The following GLRB variants were observed in gnomAD, a reference collection of about 807,000 sequenced individuals.
The protein encoded by GLRB is glycine receptor beta.
Under a neutral mutation model 54.2 loss-of-function variants are expected in GLRB, and 33 were observed. The observed-to-expected ratio is 0.61, with a 90% CI of 0.46 to 0.81. GLRB has a LOEUF of 0.81. Among genes scored for constraint, GLRB ranks in the 40% least tolerant of loss-of-function variants. The pLI is 0.00. For synonymous variants in GLRB, 209 were observed against 208.2 expected, an observed-to-expected ratio of 1.00 and a Z score of -0.03; for missense variants, 572 against 584.6, an observed-to-expected ratio of 0.98 and a Z score of 0.22.
chr4:157,155,564 T>A (rs975328199), intron 9 of GLRB, among the ~76,000 whole-genome samples: 1 of 152,242 alleles, frequency 6.6e-6, no homozygotes, highest in Non-Finnish European at 1.5e-5. Context: ...ATTGTAAGGT[T>A]ACAATTCTAT....
intron 2 of GLRB, among the ~76,000 whole-genome samples, chr4:157,089,651 T>C (rs895338097): frequency 1.3e-5 from 2 of 152,174 alleles, no homozygotes; most frequent in Non-Finnish European, 2.9e-5. Context: ...TCCTGACATA[T>C]TGAGTTTTCC....
At chr4:157,138,723 C>T (rs1579231406) in intron 6 of GLRB, 86 bp from the exon 7 acceptor site, 1 of 736,378 alleles carries the variant, frequency 1.4e-6, no homozygotes, top group East Asian at 2.8e-5. Flanking sequence ...CTTTCCTTTG[C>T]TATGTTTAAG....
intron 9 of GLRB, among the ~76,000 whole-genome samples, chr4:157,162,585 G>A (rs1298483393): frequency 6.6e-6 from 1 of 152,208 alleles, no homozygotes; most frequent in Non-Finnish European, 1.5e-5. Flanking sequence ...GTCTGTTGGA[G>A]TTTGCCGGAG....
chr4:157,153,866 G>T (rs910691233), intron 9 of GLRB, among the ~76,000 whole-genome samples: 1 of 151,986 alleles, frequency 6.6e-6, no homozygotes, highest in Non-Finnish European at 1.5e-5. Context: ...TTTTCCTCTG[G>T]TCCCACAATT....
At chr4:157,076,555 CG>C (rs1734038911) in intron 1 of GLRB, 1 of 152,120 alleles carries the variant, frequency 6.6e-6, no homozygotes, top group South Asian at 2.1e-4. Flanking sequence ...TGCAGAGGGC[CG>C]GGGTAATTAG....
chr4:157,133,849 C>T (rs966828947), intron 4 of GLRB, among the ~76,000 whole-genome samples: 1 of 151,730 alleles, frequency 6.6e-6, no homozygotes, highest in Admixed American at 6.6e-5. Context: ...CATAAGATTT[C>T]AAGAAGGATT....
At chr4:157,126,977 A>G (rs903212162) in intron 4 of GLRB, among the ~76,000 whole-genome samples, 2 of 151,772 alleles carry the variant, frequency 1.3e-5, no homozygotes, top group African/African-American at 4.8e-5. Context: ...CAGACTTTCT[A>G]TGCCTTTTTG....
chr4:157,129,754 C>CT (rs140316248), intron 4 of GLRB, among the ~76,000 whole-genome samples: 43 of 150,164 alleles, frequency 2.9e-4, no homozygotes, highest in East Asian at 9.8e-4. Flanking sequence ...CCCATTTGAG[C>CT]TTTTTTTTTG....
At chr4:157,114,074 G>A (rs562791160) in intron 2 of GLRB, among the ~76,000 whole-genome samples, 2 of 151,904 alleles carry the variant, frequency 1.3e-5, no homozygotes, top group Non-Finnish European at 2.9e-5. Flanking sequence ...TGAAGTATTT[G>A]TCTGTCTTTG....
At chr4:157,116,044 G>A (rs1417303056) in intron 2 of GLRB, among the ~76,000 whole-genome samples, 3 of 151,716 alleles carry the variant, frequency 2.0e-5, no homozygotes, top group Non-Finnish European at 4.4e-5. Flanking sequence ...GGTCACTGAA[G>A]GGTCATGTAA....
intron 2 of GLRB, among the ~76,000 whole-genome samples, chr4:157,082,585 A>C (rs1333915172): frequency 2.6e-5 from 4 of 152,154 alleles, no homozygotes; most frequent in African/African-American, 9.7e-5. Flanking sequence ...ATTTAGAAAT[A>C]TGGTCTCAAT....
chr4:157,120,972 T>A (rs1256230783), intron 3 of GLRB, among the ~76,000 whole-genome samples: 1 of 151,678 alleles, frequency 6.6e-6, no homozygotes, highest in Non-Finnish European at 1.5e-5. Flanking sequence ...CTTAGTGGTT[T>A]AAAATTTAGG....
At chr4:157,098,407 C>T (rs1432119495) in intron 2 of GLRB, among the ~76,000 whole-genome samples, 4 of 152,106 alleles carry the variant, frequency 2.6e-5, no homozygotes, top group African/African-American at 9.7e-5. Flanking sequence ...ATCTATTAGC[C>T]TCTCCAAGGT....
intron 8 of GLRB, among the ~76,000 whole-genome samples, chr4:157,148,781 C>T (rs1194903910): frequency 3.3e-5 from 5 of 151,970 alleles, no homozygotes; most frequent in Non-Finnish European, 5.9e-5. Context: ...TCCTGGTAAA[C>T]ACCATGTGCA....
intron 2 of GLRB, among the ~76,000 whole-genome samples, chr4:157,098,422 A>C (rs1194970327): frequency 6.6e-6 from 1 of 152,138 alleles, no homozygotes; most frequent in Non-Finnish European, 1.5e-5. Context: ...CAAGGTCAGA[A>C]AGGGCTTCTC....
At chr4:157,144,056 A>C in intron 8 of GLRB, 97 bp downstream of exon 8, 4 of 1,257,228 alleles carry the variant, frequency 3.2e-6, no homozygotes, top group Non-Finnish European at 4.6e-6. Context: ...GAGTTTTAGA[A>C]TTGTTAGCCA....
intron 2 of GLRB, among the ~76,000 whole-genome samples, chr4:157,090,145 A>G (rs998626697): frequency 1.3e-5 from 2 of 152,206 alleles, no homozygotes; most frequent in African/African-American, 4.8e-5. Flanking sequence ...TTGTTGGTCT[A>G]AGGTCCCCTC....
At chr4:157,100,167 T>G (rs1230747256) in intron 2 of GLRB, among the ~76,000 whole-genome samples, 3 of 152,236 alleles carry the variant, frequency 2.0e-5, no homozygotes. Flanking sequence ...TTTTTAATTC[T>G]TTTGTCTCAA....
chr4:157,116,717 A>T (rs1389920052), intron 2 of GLRB, among the ~76,000 whole-genome samples: 1 of 151,772 alleles, frequency 6.6e-6, no homozygotes, highest in Non-Finnish European at 1.5e-5. Context: ...TAAGCTAAAA[A>T]ATATGATTTT....
Sources: gnomAD v4.1 joint callset for allele counts (sites outside exome capture counted in the v4.1 genomes callset) on GRCh38, gnomAD v4.1.1 for gene constraint, MANE v1.5 for transcripts, NCBI Gene and HGNC (gene_info 2026-07-23, HGNC 2026-07-21) for gene names.